FLNB: variants seen among roughly 807,000 people sequenced by gnomAD.
The protein encoded by FLNB is filamin B.
In FLNB, 111 loss-of-function variants were observed where a neutral mutation model predicts 250.6. The observed-to-expected ratio is 0.44, with a 90% CI of 0.38 to 0.52. FLNB has a LOEUF of 0.52. Ranked by LOEUF, FLNB falls within the 20% of genes least tolerant of loss-of-function variation. The pLI is 0.00. For missense variants in FLNB, 2,869 were observed against 3,447.8 expected (o/e 0.83, Z 4.20); for synonymous variants, 1,302 against 1,372.1 (o/e 0.95, Z 1.13).
At chr3:58,042,870 C>T (rs917616767) in intron 1 of FLNB, among the ~76,000 whole-genome samples, 3 of 152,008 alleles carry the variant, frequency 2.0e-5, no homozygotes, top group East Asian at 1.9e-4. Flanking sequence ...TATTTTTACC[C>T]GACTTGTGAT....
In FLNB at chr3:58,125,655, G is replaced by A. The variant is rs374307701; in HGVS notation, c.3973G>A (p.Gly1325Ser). The A allele has an allele frequency of 2.4e-5, 39 of 1,614,014 alleles. No individual in the cohort carries two copies. Among genetic ancestry groups the A allele is most frequent in the Non-Finnish European group, 3.2e-5 (38 of 1,179,986 alleles). Reference protein sequence around the residue: ...NSPFKVAVTEGCQPSRVQAQG... With the variant: ...NSPFKVAVTESCQPSRVQAQG... Reference sequence around the variant, plus strand: ...TCCCTTCAAGGTGGCTGTCACTGAAGGCTGCCAGCCATCTAGGGTGCAAGC... The same window carrying A: ...TCCCTTCAAGGTGGCTGTCACTGAAAGCTGCCAGCCATCTAGGGTGCAAGC... Residue 1325 changes from glycine to serine, a missense_variant, in exon 23 of 46, where the codon GGC becomes AGC. This residue lies in a region of FLNB where 1,348 missense variants were observed against 1,466.7 expected (regional missense o/e 0.92). Coordinates refer to ENST00000295956, the MANE Select transcript of FLNB (RefSeq NM_001457.4).
rs201165196 is a variant in FLNB at position 58,077,100 on chromosome 3, C to T, written c.347C>T (p.Thr116Met). 1.5e-5 allele frequency: 25 copies of T among 1,614,056 alleles called. No individual in the cohort carries two copies. Among genetic ancestry groups the T allele is most frequent in the East Asian group, 4.5e-5 (2 of 44,870 alleles). ...NLKLILGLVW[T>M]LILHYSISMP... Reference sequence around the variant, plus strand: ...AAGCTCATCTTGGGTCTGGTGTGGACGCTGATCCTCCACTACTCCATCTCC... The same window carrying T: ...AAGCTCATCTTGGGTCTGGTGTGGATGCTGATCCTCCACTACTCCATCTCC... The change falls in exon 2 of 46, where the codon ACG (threonine) becomes ATG (methionine). Residue 116 changes from threonine to methionine, a missense_variant. Around this residue, in one of 5 missense-constraint regions of FLNB, gnomAD observed 308 missense variants for 466.1 expected, o/e 0.66. Transcript: ENST00000295956.
At chr3:58,009,671 G>A (rs2097095593) in intron 1 of FLNB, among the ~76,000 whole-genome samples, 1 of 152,166 alleles carries the variant, frequency 6.6e-6, no homozygotes, top group Admixed American at 6.5e-5. Flanking sequence ...ACAGATAAGG[G>A]GGTCCGGAGG....
intron 1 of FLNB, among the ~76,000 whole-genome samples, chr3:58,075,042 T>C (rs1340082332): frequency 1.3e-5 from 2 of 152,172 alleles, no homozygotes; most frequent in Non-Finnish European, 2.9e-5. Flanking sequence ...TGCAAGAGGA[T>C]ATAACAATAA....
chr3:58,058,055 C>T (rs1029031905), intron 1 of FLNB, among the ~76,000 whole-genome samples: 1 of 152,178 alleles, frequency 6.6e-6, no homozygotes, highest in African/African-American at 2.4e-5. Context: ...TCCTAAAGTG[C>T]TGGCATTACA....
rs2097377101 is a variant in FLNB, at chr3:58,169,371, C to T, written c.7418-219C>T. On this transcript the variant is annotated intron_variant, in intron 44 of 45. Coordinates refer to ENST00000295956, the MANE Select transcript of FLNB (RefSeq NM_001457.4). This position sits in a 1 kb window ranked among gnomAD's most constrained non-coding sequence, Gnocchi z 4.8. Reference sequence around the variant, plus strand: ...CTTGGCCTTGTCAGCCAAGGCCAGACTCATCCATTTGCCCAGAAAGCCAGA... The same window carrying T: ...CTTGGCCTTGTCAGCCAAGGCCAGATTCATCCATTTGCCCAGAAAGCCAGA... 1.7e-6 allele frequency: 1 copy of T among 588,444 alleles called. No individual in the cohort carries two copies. The highest frequency in any genetic ancestry group is 1.9e-5 in the South Asian group (1 of 52,992). The allele number at this position is 588,444 out of a possible 1,614,324, so 36.5% of individuals were successfully genotyped here.
intron 25 of FLNB, among the ~76,000 whole-genome samples, chr3:58,131,468 AG>A (rs2097307281): frequency 6.6e-6 from 1 of 152,226 alleles, no homozygotes; most frequent in Non-Finnish European, 1.5e-5. Context: ...CGGGCCATAT[AG>A]GGACAAAGCC....
chr3:58,137,750 G>A (rs145059327), intron 28 of FLNB, among the ~76,000 whole-genome samples: 146 of 152,230 alleles, frequency 9.6e-4, no homozygotes, highest in African/African-American at 3.3e-3. Context: ...CTTTCTTTAG[G>A]AAGCCCTTTG....
chr3:58,149,333 T>G, intron 36 of FLNB: 1 of 254,154 alleles, frequency 3.9e-6, no homozygotes, highest in Non-Finnish European at 7.6e-6. Flanking sequence ...AGTCATCTGC[T>G]TTCTTGAAGG....
chr3:58,152,771 G>C (rs1038002402), intron 38 of FLNB: 3 of 1,335,898 alleles, frequency 2.2e-6, no homozygotes, highest in Non-Finnish European at 3.0e-6. Flanking sequence ...TTTCATACTG[G>C]CTCTAGGTGA....
At chr3:58,107,250 C>T (rs916911206) in intron 12 of FLNB, among the ~76,000 whole-genome samples, 5 of 152,048 alleles carry the variant, frequency 3.3e-5, no homozygotes, top group South Asian at 2.1e-4. Flanking sequence ...AGGCTGGTCT[C>T]GAACTCCTGG....
chr3:58,170,429 C>T (rs2097380347), intron 45 of FLNB, 146 bp from the exon 46 acceptor site: 1 of 728,514 alleles, frequency 1.4e-6, no homozygotes, highest in East Asian at 2.7e-5. Flanking sequence ...GCTCTATGAG[C>T]CTCTGCTTGT....
intron 36 of FLNB, chr3:58,149,291 C>T (rs2097341031): frequency 3.8e-6 from 1 of 264,902 alleles, no homozygotes; most frequent in East Asian, 9.6e-5. Flanking sequence ...TAGATTGTGT[C>T]TCTTCCAAGC....
Position 58,169,828 on chromosome 3 carries a change from G to GGCTTTTA in FLNB, c.7621+35_7621+36insGCTTTTA. The GGCTTTTA allele has an allele frequency of 3.3e-6, 4 of 1,198,366 alleles. No individual in the cohort carries two copies. Among genetic ancestry groups the GGCTTTTA allele is most frequent in the East Asian group, 2.4e-5 (1 of 41,196 alleles). The allele number at this position is 1,198,366 out of a possible 1,614,324, so 74.2% of individuals were successfully genotyped here. ...TGGGCCTTTTCAAGGGTGGGGTGGG[G>GGCTTTTA]CAGGGGCAGGCTGGGCACCCTGGGT... On this transcript the variant is annotated intron_variant, in intron 45 of 45. Transcript: ENST00000295956. This position sits in a 1 kb window ranked among gnomAD's most constrained non-coding sequence, Gnocchi z 4.8.
chr3:58,098,687 C>T (rs772008056), intron 7 of FLNB, 24 bp from the exon 8 acceptor site: 6 of 1,612,918 alleles, frequency 3.7e-6, no homozygotes, highest in Non-Finnish European at 1.7e-6. Flanking sequence ...GACTTGGGCT[C>T]ATGGAATGCT....
At chr3:58,118,268 C>G (rs142616585) in intron 18 of FLNB, among the ~76,000 whole-genome samples, 220 of 152,328 alleles carry the variant, frequency 1.4e-3, no homozygotes, top group Admixed American at 6.4e-3. Flanking sequence ...GTGCGATGGT[C>G]TTAGCACAGG....
chr3:58,077,510 C>T (rs551087288), intron 2 of FLNB, among the ~76,000 whole-genome samples: 2 of 152,308 alleles, frequency 1.3e-5, no homozygotes, highest in East Asian at 3.9e-4. Flanking sequence ...GTTTGAGCAT[C>T]AAGTTGAGTC....
rs922495018 is a variant in FLNB, at chr3:58,035,863, C to T, written c.292+27007C>T. On this transcript the variant is annotated intron_variant, in intron 1 of 45. Coordinates refer to ENST00000295956, the MANE Select transcript of FLNB (RefSeq NM_001457.4). ...GAAGTTTGGCTCAGTACAACATTCT[C>T]GGCCTGGGGCGGCAGCATGGGAAAG... 2.6e-5 allele frequency among the ~76,000 whole-genome samples: 4 copies of T among 152,282 alleles called. No homozygotes were observed. The South Asian group carries it at 8.3e-4, about 32-fold the overall frequency.
rs185973287 is a variant in FLNB at position 58,109,730 on chromosome 3, C to G, written c.2323+31C>G. The stretch of plus-strand genomic sequence containing the variant: ...AAAGGGCTTTGTTCAACCCAGTGAT[C>G]ATTGCTCCGTGGGGAAGGCAGTTCT... On this transcript the variant is annotated intron_variant, in intron 15 of 45. Transcript: ENST00000295956. The G allele has an allele frequency of 2.1e-5, 34 of 1,613,876 alleles. No homozygotes were observed. The Admixed American group carries it at 4.7e-4, about 22-fold the overall frequency.
Sources: gnomAD v4.1 joint callset for allele counts (sites outside exome capture counted in the v4.1 genomes callset) on GRCh38, gnomAD v4.1.1 for gene constraint, gnomAD v4.1.1 regional missense constraint, Gnocchi (gnomAD v3.1) non-coding constraint, MANE v1.5 for transcripts, NCBI Gene and HGNC (gene_info 2026-07-23, HGNC 2026-07-21) for gene names.